FSIP1: variants seen among roughly 807,000 people sequenced by gnomAD.
FSIP1 encodes the protein fibrous sheath interacting protein 1.
A neutral mutation model predicts 60.9 loss-of-function variants in FSIP1; 65 were observed. That is an observed-to-expected ratio of 1.07 (90% CI 0.87 to 1.31). FSIP1 has a LOEUF of 1.31. Among genes scored for constraint, FSIP1 ranks in the 40% most tolerant of loss-of-function variants. The pLI, the probability that FSIP1 is intolerant of heterozygous loss-of-function variation, is 0.00. For synonymous variants in FSIP1, 209 were observed against 221.2 expected, an observed-to-expected ratio of 0.94 and a Z score of 0.49; for missense variants, 675 against 665.5, an observed-to-expected ratio of 1.01 and a Z score of -0.16.
rs71132108 is a variant in FSIP1 at position 39,646,520 on chromosome 15, C to CAAAAAAAAAAAAAAAAAAA, written c.1189-28294_1189-28276dup. ...GTAACATAGCGAGACCTCATCTCTA[C>CAAAAAAAAAAAAAAAAAAA]AAAAAAAAAAAAAAAAAAAAAAAAA... On this transcript the variant is annotated intron_variant, in intron 10 of 11. Coordinates refer to ENST00000350221, the MANE Select transcript of FSIP1 (RefSeq NM_152597.5). Among the ~76,000 whole-genome samples, 6 of 27,116 alleles carry CAAAAAAAAAAAAAAAAAAA rather than the reference C, an allele frequency of 2.2e-4. 2 individuals carry two copies. The highest frequency in any genetic ancestry group is 3.1e-4 in the Non-Finnish European group (4 of 12,834). The allele number at this position is 27,116 out of a possible 152,430, so 17.8% of individuals were successfully genotyped here.
chr15:39,625,316 T>C (rs966924196), intron 10 of FSIP1, among the ~76,000 whole-genome samples: 1 of 152,006 alleles, frequency 6.6e-6, no homozygotes, highest in African/African-American at 2.4e-5. Context: ...AGTGTGTAAG[T>C]TAGGGATGAG....
At position 39,645,539 on chromosome 15, in the gene FSIP1, C is replaced by G. The variant is rs143445375; in HGVS notation, c.1189-27294G>C. ...GCCAGGAACAGTCAGGATCTGCCCT[C>G]CTGGGTGCAGCTGGAGCCACGGCAC... On this transcript the variant is annotated intron_variant, in intron 10 of 11. Transcript: ENST00000350221. Among the ~76,000 whole-genome samples, 29 of 152,250 alleles carry G rather than the reference C, an allele frequency of 1.9e-4. No individual in the cohort carries two copies. In the East Asian group the frequency reaches 5.6e-3, roughly 29 times the overall value.
chr15:39,735,418 C>A (rs2129456), intron 8 of FSIP1, among the ~76,000 whole-genome samples: 44,222 of 151,934 alleles, frequency 0.29, 9,117 homozygotes, highest in African/African-American at 0.58. Context: ...AAACATATTA[C>A]AACATAGAAA....
chr15:39,745,437 A>T (rs1896961360), intron 5 of FSIP1, among the ~76,000 whole-genome samples: 1 of 152,254 alleles, frequency 6.6e-6, no homozygotes, highest in South Asian at 2.1e-4. Context: ...AAACACTTGT[A>T]ATATTAAAAC....
rs565191546 is a variant in FSIP1, at chr15:39,618,389, T to C, written c.1189-144A>G. On this transcript the variant is annotated intron_variant, in intron 10 of 11. Coordinates refer to ENST00000350221, the MANE Select transcript of FSIP1 (RefSeq NM_152597.5). ...TAGAAAAATAATTCATTGTAAAGTA[T>C]CCAAAACTGTAGGGGAAATGTCATA... 1.0e-5 allele frequency: 7 copies of C among 685,764 alleles called. 1 individual carries two copies. In the South Asian group the frequency reaches 1.6e-4, roughly 15 times the overall value. The allele number at this position is 685,764 out of a possible 1,614,324, so 42.5% of individuals were successfully genotyped here. A position where few individuals can be genotyped will look rare whatever the true frequency, so the allele number is the denominator to read the frequency against.
Position 39,634,368 on chromosome 15 carries a change from GGGTTTAGTCCACCACTCC to G in FSIP1, c.1189-16141_1189-16124del, listed in dbSNP as rs1281358852. 5.9e-5 allele frequency among the ~76,000 whole-genome samples: 9 copies of G among 152,092 alleles called. No homozygotes were observed. In the East Asian group the frequency reaches 1.2e-3, roughly 20 times the overall value. Reference sequence around the variant, plus strand: ...TTGTCTCTTAAACTCAACCCAAACAGGGTTTAGTCCACCACTCCGTTAAAACTGCTCTTGTCTATCACA... The same window carrying G: ...TTGTCTCTTAAACTCAACCCAAACAGGTTAAAACTGCTCTTGTCTATCACA... On this transcript the variant is annotated intron_variant, in intron 10 of 11. Transcript: ENST00000350221.
chr15:39,743,661 T>C (rs191585053), intron 5 of FSIP1, among the ~76,000 whole-genome samples: 2 of 152,312 alleles, frequency 1.3e-5, no homozygotes, highest in East Asian at 3.9e-4. Flanking sequence ...ATTTATTAAT[T>C]ACCAAAGGAA....
intron 5 of FSIP1, among the ~76,000 whole-genome samples, chr15:39,755,089 G>C (rs1246797977): frequency 1.3e-5 from 2 of 151,968 alleles, no homozygotes; most frequent in Non-Finnish European, 2.9e-5. Flanking sequence ...GAGGAAAAAG[G>C]CTTATTTGTA....
At chr15:39,735,051 C>T (rs949651177) in intron 8 of FSIP1, among the ~76,000 whole-genome samples, 3 of 152,152 alleles carry the variant, frequency 2.0e-5, no homozygotes, top group African/African-American at 4.8e-5. Flanking sequence ...TAGTTTGATA[C>T]GCAGTGAGAC....
At chr15:39,726,831 A>T in intron 8 of FSIP1, 84 bp from the exon 9 acceptor site, 1 of 910,190 alleles carries the variant, frequency 1.1e-6, no homozygotes, top group Non-Finnish European at 1.7e-6. Context: ...AACAGTGCCC[A>T]GGTCTTCACA....
intron 10 of FSIP1, among the ~76,000 whole-genome samples, chr15:39,628,615 G>A (rs1891740586): frequency 6.6e-6 from 1 of 152,134 alleles, no homozygotes; most frequent in Admixed American, 6.5e-5. Flanking sequence ...ACTCCATTTG[G>A]GAAAGCCTCT....
In FSIP1 at chr15:39,674,041, C is replaced by T. The variant is rs72727019; in HGVS notation, c.1188+39403G>A. 7.9e-5 allele frequency among the ~76,000 whole-genome samples: 12 copies of T among 151,660 alleles called. No homozygotes were observed. In the East Asian group the frequency reaches 2.1e-3, roughly 27 times the overall value. On this transcript the variant is annotated intron_variant, in intron 10 of 11. Coordinates refer to ENST00000350221, the MANE Select transcript of FSIP1 (RefSeq NM_152597.5). ...AGTATAGAGAAGGGAACATCCTTAA[C>T]CCGACCCGATTTAATTTTTTTTTTT...
chr15:39,662,787 CAG>C (rs531643111), intron 10 of FSIP1, among the ~76,000 whole-genome samples: 1 of 150,906 alleles, frequency 6.6e-6, no homozygotes, highest in Non-Finnish European at 1.5e-5. Flanking sequence ...AATTTGGTAA[CAG>C]AATGCAAGTG....
intron 9 of FSIP1, among the ~76,000 whole-genome samples, chr15:39,716,683 C>A (rs1895750047): frequency 6.6e-6 from 1 of 152,124 alleles, no homozygotes; most frequent in Non-Finnish European, 1.5e-5. Flanking sequence ...TACTACACAG[C>A]CACTAGCATG....
At chr15:39,649,550 A>C (rs1301305351) in intron 10 of FSIP1, among the ~76,000 whole-genome samples, 1 of 152,204 alleles carries the variant, frequency 6.6e-6, no homozygotes, top group East Asian at 1.9e-4. Flanking sequence ...GGCACATATA[A>C]AAATCAATAT....
intron 11 of FSIP1, among the ~76,000 whole-genome samples, chr15:39,611,703 A>G (rs1284531783): frequency 6.6e-6 from 1 of 152,222 alleles, no homozygotes; most frequent in African/African-American, 2.4e-5. Flanking sequence ...GTCGCTAGTC[A>G]AAACACATAG....
At chr15:39,758,151 T>C (rs1181701288) in intron 5 of FSIP1, among the ~76,000 whole-genome samples, 1 of 152,056 alleles carries the variant, frequency 6.6e-6, no homozygotes, top group Non-Finnish European at 1.5e-5. Context: ...AATGTGAGCA[T>C]AGATTTAAGT....
intron 10 of FSIP1, among the ~76,000 whole-genome samples, chr15:39,665,230 T>C (rs1377276335): frequency 6.6e-6 from 1 of 152,196 alleles, no homozygotes; most frequent in Non-Finnish European, 1.5e-5. Flanking sequence ...ACTCCGATTC[T>C]CATTCCACAC....
intron 5 of FSIP1, among the ~76,000 whole-genome samples, chr15:39,752,295 TA>T (rs756617498): frequency 4.6e-5 from 7 of 151,982 alleles, no homozygotes; most frequent in Non-Finnish European, 1.0e-4. Flanking sequence ...GATCCAGTTT[TA>T]TCTCTCTTCC....
Sources: allele counts gnomAD v4.1 joint callset (sites outside exome capture counted in the v4.1 genomes callset), GRCh38; gene constraint gnomAD v4.1.1; transcripts MANE v1.5; gene names NCBI Gene and HGNC (gene_info 2026-07-23, HGNC 2026-07-21).